Variants in CFAP77 observed in about 807,000 individuals in gnomAD.
The protein encoded by CFAP77 is cilia and flagella associated protein 77.
CFAP77 carries 25 observed loss-of-function variants against 31.1 expected under a neutral mutation model. The observed-to-expected ratio is 0.80, with a 90% CI of 0.59 to 1.12. The LOEUF is 1.12. Among genes scored for constraint, CFAP77 ranks in the 50% most tolerant of loss-of-function variants. The pLI is 0.00. For missense variants in CFAP77, 377 were observed against 397.3 expected (o/e 0.95, Z 0.44); for synonymous variants, 151 against 159.9 (o/e 0.94, Z 0.42).
At chr9:132,449,641 T>A (rs1157464012) in intron 1 of CFAP77, among the ~76,000 whole-genome samples, 6 of 152,214 alleles carry the variant, frequency 3.9e-5, no homozygotes, top group Admixed American at 3.9e-4. Flanking sequence ...AACCTGTGAT[T>A]TCCAGACAGA....
chr9:132,549,681 T>A (rs1036479234), intron 5 of CFAP77, among the ~76,000 whole-genome samples: 4 of 151,834 alleles, frequency 2.6e-5, no homozygotes, highest in Admixed American at 2.0e-4. Flanking sequence ...CTACTAAAAA[T>A]GCAAAAATTA....
chr9:132,568,728 G>C (rs1054797420), intron 5 of CFAP77, among the ~76,000 whole-genome samples: 4 of 151,978 alleles, frequency 2.6e-5, no homozygotes, highest in Non-Finnish European at 5.9e-5. Context: ...TTTGGAGACA[G>C]AGTCTCTGTC....
At chr9:132,448,443 C>G (rs1199309736) in intron 1 of CFAP77, among the ~76,000 whole-genome samples, 1 of 152,180 alleles carries the variant, frequency 6.6e-6, no homozygotes, top group African/African-American at 2.4e-5. Context: ...ATTTACTGAA[C>G]TTCTCTGAGC....
In CFAP77 at chr9:132,498,015, A is replaced by G. The variant is rs368562069; in HGVS notation, c.196-680A>G. Among the ~76,000 whole-genome samples the G allele has an allele frequency of 6.6e-6, 1 of 152,074 alleles. No individual in the cohort carries two copies. Among genetic ancestry groups the G allele is most frequent in the East Asian group, 1.9e-4 (1 of 5,168 alleles). On this transcript the variant is annotated intron_variant, in intron 1 of 5. Transcript: ENST00000393216. The surrounding 1 kb of genome is among the most constrained non-coding windows in gnomAD (Gnocchi z 4.2). ...CCTGCCTCTCTAGGCCTCAGTTTCT[A>G]TAGCTATAAATGGGTGGTGGCGGCA...
chr9:132,499,706 C>T lies in CFAP77; in HGVS notation c.524+106C>T, dbSNP rs1851811216. On this transcript the variant is annotated intron_variant, in intron 3 of 5. Coordinates refer to ENST00000393216, the MANE Select transcript of CFAP77 (RefSeq NM_001282957.2). This position sits in a 1 kb window ranked among gnomAD's most constrained non-coding sequence, Gnocchi z 5.4. The stretch of plus-strand genomic sequence containing the variant: ...CAGGGAAGTGGAGCATCCTCCCAGC[C>T]CCACTGTCCTCTCTTCAATGACTCT... 1 of 952,398 alleles carries T rather than the reference C, an allele frequency of 1.0e-6. No individual in the cohort carries two copies. The highest frequency in any genetic ancestry group is 1.6e-6 in the Non-Finnish European group (1 of 608,872). The allele number at this position is 952,398 out of a possible 1,614,324, so 59.0% of individuals were successfully genotyped here.
chr9:132,537,872 G>A (rs1852573972), intron 4 of CFAP77, among the ~76,000 whole-genome samples, 166 bp downstream of exon 4: 1 of 152,194 alleles, frequency 6.6e-6, no homozygotes, highest in Non-Finnish European at 1.5e-5. Context: ...ACAGCTGAAA[G>A]CATCTTGGTG....
intron 3 of CFAP77, among the ~76,000 whole-genome samples, chr9:132,531,386 G>T (rs1032713099): frequency 1.3e-5 from 2 of 152,164 alleles, no homozygotes; most frequent in South Asian, 2.1e-4. Flanking sequence ...GTGGGAGGGC[G>T]CCGGACCAGG....
At chr9:132,472,787 A>G (rs1851281405) in intron 1 of CFAP77, among the ~76,000 whole-genome samples, 2 of 152,078 alleles carry the variant, frequency 1.3e-5, no homozygotes, top group African/African-American at 4.8e-5. Flanking sequence ...ACAAACAAAC[A>G]AAAAACAATG....
intron 1 of CFAP77, among the ~76,000 whole-genome samples, chr9:132,412,091 G>T (rs1193443420): frequency 6.6e-6 from 1 of 152,126 alleles, no homozygotes; most frequent in Non-Finnish European, 1.5e-5. Flanking sequence ...TTGGCCTCTG[G>T]ATGGCACTAG....
At chr9:132,529,399 C>G (rs1330053403) in intron 3 of CFAP77, among the ~76,000 whole-genome samples, 3 of 140,138 alleles carry the variant, frequency 2.1e-5, no homozygotes, top group African/African-American at 7.8e-5. Flanking sequence ...GGAGATATAC[C>G]TAATGCTAAA....
chr9:132,412,638 G>C (rs1207457687), intron 1 of CFAP77, among the ~76,000 whole-genome samples: 1 of 150,212 alleles, frequency 6.7e-6, no homozygotes, highest in East Asian at 2.0e-4. Flanking sequence ...TTGTTTGTTT[G>C]TTTGTTTTGC....
At chr9:132,486,095 T>TTA (rs1851552125) in intron 1 of CFAP77, among the ~76,000 whole-genome samples, 1 of 81,798 alleles carries the variant, frequency 1.2e-5, no homozygotes, top group African/African-American at 6.9e-5. Flanking sequence ...TATATATTTT[T>TTA]TTTTTTTTTT....
chr9:132,506,126 C>T (rs921527551), intron 3 of CFAP77, among the ~76,000 whole-genome samples: 19 of 152,330 alleles, frequency 1.2e-4, no homozygotes, highest in African/African-American at 4.6e-4. Flanking sequence ...TTGAAGACCA[C>T]ACCTCTAGGA....
chr9:132,481,228 G>A lies in CFAP77; in HGVS notation c.196-17467G>A, dbSNP rs904262828. 6.6e-6 allele frequency among the ~76,000 whole-genome samples: 1 copy of A among 152,098 alleles called. No individual in the cohort carries two copies. Among genetic ancestry groups the A allele is most frequent in the Non-Finnish European group, 1.5e-5 (1 of 68,014 alleles). ...TGGGCCCAAGACTCCCTGCCGCGCT[G>A]CTAGACGCTTCAGCCCTGTCTCCCC... On this transcript the variant is annotated intron_variant, in intron 1 of 5. Transcript: ENST00000393216. The surrounding 1 kb of genome is among the most constrained non-coding windows in gnomAD (Gnocchi z 5.0).
At chr9:132,445,468 G>A (rs2131706829) in intron 1 of CFAP77, among the ~76,000 whole-genome samples, 1 of 152,250 alleles carries the variant, frequency 6.6e-6, no homozygotes, top group East Asian at 1.9e-4. Flanking sequence ...ACCACATTTT[G>A]TGTATTCATT....
At position 132,423,511 on chromosome 9, in the gene CFAP77, A is replaced by G. The variant is rs144297692; in HGVS notation, c.195+13045A>G. Among the ~76,000 whole-genome samples, 145 of 152,226 alleles carry G rather than the reference A, an allele frequency of 9.5e-4. 1 individual carries two copies. The highest frequency in any genetic ancestry group is 3.1e-3 in the African/African-American group (128 of 41,522). ...CTGAGACAGGATGACTATCATTCCC[A>G]TTTTACAGATGGGGAAGCCGAGGCT... On this transcript the variant is annotated intron_variant, in intron 1 of 5. Coordinates refer to ENST00000393216, the MANE Select transcript of CFAP77 (RefSeq NM_001282957.2).
At chr9:132,473,708 A>C (rs556334069) in intron 1 of CFAP77, among the ~76,000 whole-genome samples, 26 of 152,096 alleles carry the variant, frequency 1.7e-4, no homozygotes, top group Admixed American at 1.7e-3. Flanking sequence ...TTTGAGACAG[A>C]GTTTCACTCT....
chr9:132,423,470 C>T (rs548896328), intron 1 of CFAP77, among the ~76,000 whole-genome samples: 1 of 152,342 alleles, frequency 6.6e-6, no homozygotes, highest in African/African-American at 2.4e-5. Flanking sequence ...CTCTCCCTTA[C>T]ATCTTTGCAA....
intron 1 of CFAP77, among the ~76,000 whole-genome samples, chr9:132,434,000 A>G (rs957489215): frequency 5.4e-5 from 8 of 149,490 alleles, no homozygotes; most frequent in African/African-American, 2.0e-4. Context: ...TTAGCTGGGC[A>G]TGGTGGCATG....
Sources: allele counts gnomAD v4.1 joint callset (sites outside exome capture counted in the v4.1 genomes callset), GRCh38; gene constraint gnomAD v4.1.1; non-coding constraint Gnocchi (gnomAD v3.1); transcripts MANE v1.5; gene names NCBI Gene and HGNC (gene_info 2026-07-23, HGNC 2026-07-21).